G2E3: variants seen among roughly 807,000 people sequenced by gnomAD.
The protein encoded by G2E3 is G2/M phase-specific E3 ubiquitin-protein ligase.
Under a neutral mutation model 92.8 loss-of-function variants are expected in G2E3, and 35 were observed. The ratio of observed to expected loss-of-function variants is 0.38; its 90% CI spans 0.29 to 0.50. The LOEUF is 0.50. Among genes scored for constraint, G2E3 ranks in the 20% least tolerant of loss-of-function variants. The pLI is 0.94. For missense variants in G2E3, 554 were observed against 823.8 expected, an observed-to-expected ratio of 0.67 and a Z score of 4.01; for synonymous variants, 242 against 272.4, an observed-to-expected ratio of 0.89 and a Z score of 1.10.
At chr14:30,567,732 T>G (rs1320424428) in intron 1 of G2E3, among the ~76,000 whole-genome samples, 1 of 152,022 alleles carries the variant, frequency 6.6e-6, no homozygotes, top group Non-Finnish European at 1.5e-5. Context: ...GTTGGGTCAT[T>G]GTTTTGGGGG....
chr14:30,588,244 A>G (rs947494560), intron 3 of G2E3, among the ~76,000 whole-genome samples: 1 of 145,042 alleles, frequency 6.9e-6, no homozygotes, highest in African/African-American at 2.9e-5. Context: ...TTACTTTTCT[A>G]TAAAGTAAAA....
intron 3 of G2E3, among the ~76,000 whole-genome samples, chr14:30,588,975 C>T (rs1214974417): frequency 2.6e-5 from 4 of 152,066 alleles, no homozygotes; most frequent in Non-Finnish European, 4.4e-5. Flanking sequence ...TTAGAGTTAG[C>T]CTGAAATGTC....
At chr14:30,589,347 T>C in intron 3 of G2E3, 36 bp from the exon 4 acceptor site, 1 of 1,206,370 alleles carries the variant, frequency 8.3e-7, no homozygotes, top group Non-Finnish European at 1.2e-6. Context: ...AACTAGTTTC[T>C]TAGAGTTTAT....
At chr14:30,569,203 G>A (rs1221412119) in intron 1 of G2E3, among the ~76,000 whole-genome samples, 1 of 152,112 alleles carries the variant, frequency 6.6e-6, no homozygotes, top group Non-Finnish European at 1.5e-5. Flanking sequence ...TCTCCCCAGG[G>A]ATAACCACCA....
chr14:30,577,063 A>G (rs780657219), intron 1 of G2E3, among the ~76,000 whole-genome samples: 1 of 151,948 alleles, frequency 6.6e-6, no homozygotes, highest in African/African-American at 2.4e-5. Context: ...CGTCTGTACT[A>G]AAAATACAAA....
intron 4 of G2E3, chr14:30,590,840 C>T: frequency 2.4e-6 from 1 of 423,092 alleles, no homozygotes. Context: ...TAAAGGTCCC[C>T]TTATGGTTTG....
intron 1 of G2E3, among the ~76,000 whole-genome samples, chr14:30,564,733 G>A (rs921507923): frequency 6.6e-6 from 1 of 152,140 alleles, no homozygotes; most frequent in Non-Finnish European, 1.5e-5. Context: ...AACCTTTTAT[G>A]TCTGACTTCC....
intron 11 of G2E3, among the ~76,000 whole-genome samples, chr14:30,607,215 C>T (rs541916937): frequency 2.0e-5 from 3 of 151,886 alleles, no homozygotes; most frequent in Admixed American, 6.6e-5. Context: ...AAGCATAAGT[C>T]AAACTTTTTA....
At chr14:30,580,214 T>C (rs900951484) in intron 1 of G2E3, among the ~76,000 whole-genome samples, 57 of 152,074 alleles carry the variant, frequency 3.7e-4, no homozygotes, top group Non-Finnish European at 7.6e-4. Flanking sequence ...TTTTTTTTGT[T>C]GTTGTTTTTG....
At chr14:30,604,973 C>T (rs763820172) in intron 10 of G2E3, among the ~76,000 whole-genome samples, 56 of 152,148 alleles carry the variant, frequency 3.7e-4, no homozygotes, top group African/African-American at 7.7e-4. Flanking sequence ...CTTGGCTCAA[C>T]GCAACCTCTG....
intron 12 of G2E3, among the ~76,000 whole-genome samples, chr14:30,608,685 A>C (rs898393504): frequency 1.3e-5 from 2 of 152,366 alleles, no homozygotes; most frequent in East Asian, 1.9e-4. Context: ...ATGCCATATA[A>C]GTGTCATTGC....
At chr14:30,608,101 A>G in intron 12 of G2E3, 32 bp downstream of exon 12, 1 of 1,250,824 alleles carries the variant, frequency 8.0e-7, no homozygotes, top group Non-Finnish European at 1.1e-6. Flanking sequence ...TAAAATGCAC[A>G]CTACATTCTA....
intron 2 of G2E3, among the ~76,000 whole-genome samples, chr14:30,581,571 G>T (rs572104440): frequency 4.6e-5 from 7 of 152,158 alleles, no homozygotes. Context: ...GCCAGGAGGC[G>T]CATGCCTGTA....
At position 30,592,464 on chromosome 14, in the gene G2E3, T is replaced by C. The variant is rs757034772; in HGVS notation, c.362+17T>C. ...CAATTTTGCGTGAGTTATTTAACTGTTAAATATGAAAGTTCAGTGTTAAAG... is the reference window on the plus strand; with the variant it reads ...CAATTTTGCGTGAGTTATTTAACTGCTAAATATGAAAGTTCAGTGTTAAAG... On this transcript the variant is annotated intron_variant, in intron 5 of 14. Coordinates refer to ENST00000206595, the MANE Select transcript of G2E3 (RefSeq NM_017769.5). 6.5e-7 allele frequency: 1 copy of C among 1,544,006 alleles called. No homozygotes were observed. Among genetic ancestry groups the C allele is most frequent in the Non-Finnish European group, 8.7e-7 (1 of 1,144,088 alleles).
intron 2 of G2E3, among the ~76,000 whole-genome samples, chr14:30,581,420 A>C (rs893158700): frequency 6.6e-6 from 1 of 152,184 alleles, no homozygotes; most frequent in Non-Finnish European, 1.5e-5. Context: ...AGGAAAAGGA[A>C]AACTGGCCAG....
Position 30,602,135 on chromosome 14 carries a change from T to G in G2E3, c.1010+4T>G, listed in dbSNP as rs1594502547. On this transcript the variant is annotated splice_donor_region_variant and intron_variant, in intron 10 of 14. Coordinates refer to ENST00000206595, the MANE Select transcript of G2E3 (RefSeq NM_017769.5). ...CCCAGAGTAAAGATCTACTGAGGTATGTATTTTGAATTGGAGAAATACATA... is the reference window on the plus strand; with the variant it reads ...CCCAGAGTAAAGATCTACTGAGGTAGGTATTTTGAATTGGAGAAATACATA... The G allele has an allele frequency of 6.3e-7, 1 of 1,590,094 alleles. No homozygotes were observed. The highest frequency in any genetic ancestry group is 1.4e-5 in the African/African-American group (1 of 73,522).
chr14:30,592,649 A>G (rs990862375), intron 5 of G2E3, among the ~76,000 whole-genome samples: 7 of 127,116 alleles, frequency 5.5e-5, no homozygotes, highest in African/African-American at 1.8e-4. Flanking sequence ...TCTAGGATGG[A>G]CCTAATGATT....
chr14:30,611,151 C>T (rs1363004457), intron 12 of G2E3, among the ~76,000 whole-genome samples: 1 of 152,178 alleles, frequency 6.6e-6, no homozygotes, highest in Non-Finnish European at 1.5e-5. Flanking sequence ...GGAAGTTTGA[C>T]ATGTTGTTTT....
rs1428804585 is a variant in G2E3, at chr14:30,618,471, A to G, written c.*1937A>G. On this transcript the variant is annotated 3_prime_UTR_variant, in exon 15 of 15. Transcript: ENST00000206595. ...AGTTGCAATTAATTTCCCCTAGGGT[A>G]GAAATTAAAGCTGATTAAGTCACAC... 1.3e-5 allele frequency: 2 copies of G among 152,126 alleles called. No homozygotes were observed. Among genetic ancestry groups the G allele is most frequent in the African/African-American group, 4.8e-5 (2 of 41,456 alleles). 9.4% of individuals were successfully genotyped at this position (152,126 alleles called of 1,614,324 possible). A position where few individuals can be genotyped will look rare whatever the true frequency, so the allele number is the denominator to read the frequency against.
Sources: allele counts gnomAD v4.1 joint callset (sites outside exome capture counted in the v4.1 genomes callset), GRCh38; gene constraint gnomAD v4.1.1; transcripts MANE v1.5; gene names NCBI Gene and HGNC (gene_info 2026-07-23, HGNC 2026-07-21).